ADGRL3: variants seen among roughly 807,000 people sequenced by gnomAD.
The protein encoded by ADGRL3 is adhesion G protein-coupled receptor L3.
In ADGRL3, 62 loss-of-function variants were observed where a neutral mutation model predicts 153.5. The observed-to-expected ratio is 0.40, with a 90% CI of 0.33 to 0.50. The LOEUF is 0.50. ADGRL3 is among the 20% of genes least tolerant of loss of function. ADGRL3 has a pLI of 0.47. For missense variants in ADGRL3, 1,641 were observed against 1,859.4 expected (o/e 0.88, Z 2.16); for synonymous variants, 710 against 672.5 (o/e 1.06, Z -0.86).
At chr4:61,551,206 A>G (rs1222437252) in intron 4 of ADGRL3, among the ~76,000 whole-genome samples, 2 of 152,108 alleles carry the variant, frequency 1.3e-5, no homozygotes, top group East Asian at 3.8e-4. Context: ...GTGTAATCGC[A>G]ATTATACAGT....
chr4:61,431,061 G>C (rs1475611870), intron 2 of ADGRL3, among the ~76,000 whole-genome samples: 1 of 152,170 alleles, frequency 6.6e-6, no homozygotes, highest in Non-Finnish European at 1.5e-5. Context: ...GCCAGAGCTA[G>C]AGTAAGATAG....
At chr4:61,973,011 GA>G (rs887544009) in intron 17 of ADGRL3, among the ~76,000 whole-genome samples, 7 of 150,560 alleles carry the variant, frequency 4.6e-5, no homozygotes, top group Admixed American at 3.3e-4. Context: ...CAAAAAAGAA[GA>G]AAAAAAACCT....
At chr4:61,947,944 C>T (rs2098932375) in intron 16 of ADGRL3, among the ~76,000 whole-genome samples, 156 bp from the exon 17 acceptor site, 4 of 152,190 alleles carry the variant, frequency 2.6e-5, no homozygotes, top group Admixed American at 1.3e-4. Context: ...TTCAATTTCA[C>T]TTAGAATTGT....
At chr4:61,575,690 T>C (rs940932243) in intron 4 of ADGRL3, among the ~76,000 whole-genome samples, 1 of 152,030 alleles carries the variant, frequency 6.6e-6, no homozygotes, top group African/African-American at 2.4e-5. Flanking sequence ...CGGTGAAGGG[T>C]TGATATTTAT....
intron 17 of ADGRL3, among the ~76,000 whole-genome samples, chr4:61,976,354 T>C (rs1473792463): frequency 6.6e-6 from 1 of 152,168 alleles, no homozygotes; most frequent in Non-Finnish European, 1.5e-5. Context: ...AGAAGTTCTA[T>C]TATGGCAGAC....
At chr4:61,675,407 C>G (rs1247702089) in intron 5 of ADGRL3, among the ~76,000 whole-genome samples, 1 of 151,772 alleles carries the variant, frequency 6.6e-6, no homozygotes, top group South Asian at 2.1e-4. Context: ...GTAGGAAAAA[C>G]CATTAGCTTT....
intron 9 of ADGRL3, among the ~76,000 whole-genome samples, chr4:61,870,833 C>T (rs1160000871): frequency 6.6e-6 from 1 of 152,152 alleles, no homozygotes; most frequent in Non-Finnish European, 1.5e-5. Flanking sequence ...AACACTTACA[C>T]ACAGCTGGTG....
At chr4:61,714,697 C>T (rs374723829) in intron 6 of ADGRL3, among the ~76,000 whole-genome samples, 2 of 152,110 alleles carry the variant, frequency 1.3e-5, no homozygotes, top group African/African-American at 2.4e-5. Context: ...TTCAGTTGTA[C>T]GGTTCTGGGT....
intron 1 of ADGRL3, among the ~76,000 whole-genome samples, chr4:61,237,085 T>C (rs921653553): frequency 1.3e-5 from 2 of 152,174 alleles, no homozygotes; most frequent in Non-Finnish European, 2.9e-5. Context: ...TACATTATGG[T>C]TGTTGCAGCA....
chr4:62,000,394 G>C (rs1430540610), intron 21 of ADGRL3, among the ~76,000 whole-genome samples: 1 of 151,732 alleles, frequency 6.6e-6, no homozygotes, highest in Non-Finnish European at 1.5e-5. Flanking sequence ...ATGTTCATAT[G>C]TATTTCTTTA....
At chr4:61,527,172 A>C (rs2098569603) in intron 4 of ADGRL3, among the ~76,000 whole-genome samples, 1 of 152,068 alleles carries the variant, frequency 6.6e-6, no homozygotes, top group South Asian at 2.1e-4. Flanking sequence ...AATTTTATTG[A>C]AAACTTCTTA....
At chr4:61,869,936 TAAAAAAAAAAAA>T (rs1190618911) in intron 9 of ADGRL3, among the ~76,000 whole-genome samples, 2 of 10,502 alleles carry the variant, frequency 1.9e-4, no homozygotes, top group Non-Finnish European at 5.1e-4. Context: ...AAAACTTTGT[TAAAAAAAAAAAA>T]AAAAAAAAAA....
chr4:61,480,331 G>A (rs1194657372), intron 2 of ADGRL3, among the ~76,000 whole-genome samples: 20 of 152,020 alleles, frequency 1.3e-4, no homozygotes, highest in Admixed American at 1.1e-3. Flanking sequence ...TGCCATCCAG[G>A]TTCATTCATA....
intron 5 of ADGRL3, among the ~76,000 whole-genome samples, chr4:61,594,125 A>G (rs2098980077): frequency 6.6e-6 from 1 of 152,164 alleles, no homozygotes; most frequent in South Asian, 2.1e-4. Context: ...TGCATTTTCA[A>G]GTCTAGCATT....
chr4:61,294,884 T>TACAC (rs3035669), intron 1 of ADGRL3, among the ~76,000 whole-genome samples: 6 of 105,236 alleles, frequency 5.7e-5, no homozygotes, highest in East Asian at 7.0e-4. Context: ...AATTAAATTT[T>TACAC]ACACACACAC....
intron 15 of ADGRL3, among the ~76,000 whole-genome samples, chr4:61,946,264 G>A (rs988337854): frequency 6.6e-6 from 1 of 151,836 alleles, no homozygotes; most frequent in Non-Finnish European, 1.5e-5. Flanking sequence ...GATTCTTGTG[G>A]GTATGAAATT....
intron 2 of ADGRL3, among the ~76,000 whole-genome samples, chr4:61,440,446 T>TA (rs2097515223): frequency 6.6e-6 from 1 of 152,226 alleles, no homozygotes; most frequent in Admixed American, 6.5e-5. Context: ...AAGAAGGACT[T>TA]AGTAATTGGG....
At chr4:61,597,519 T>G (rs2098993929) in intron 5 of ADGRL3, among the ~76,000 whole-genome samples, 1 of 152,122 alleles carries the variant, frequency 6.6e-6, no homozygotes, top group Admixed American at 6.5e-5. Flanking sequence ...ACTTAGCAAA[T>G]GTAGTGCATC....
intron 4 of ADGRL3, among the ~76,000 whole-genome samples, chr4:61,528,033 G>A (rs908979988): frequency 1.3e-5 from 2 of 152,054 alleles, no homozygotes; most frequent in Admixed American, 6.6e-5. Flanking sequence ...GTGAAGCAGT[G>A]TAATTTAGTG....
Sources: gnomAD v4.1 joint callset for allele counts (sites outside exome capture counted in the v4.1 genomes callset) on GRCh38, gnomAD v4.1.1 for gene constraint, MANE v1.5 for transcripts, NCBI Gene and HGNC (gene_info 2026-07-23, HGNC 2026-07-21) for gene names.